CLASP1: variants seen among roughly 807,000 people sequenced by gnomAD.
The protein encoded by CLASP1 is CLIP-associating protein 1.
CLASP1 carries 38 observed loss-of-function variants against 192.3 expected under a neutral mutation model. That is an observed-to-expected ratio of 0.20 (90% CI 0.15 to 0.26). CLASP1 has a LOEUF of 0.26. Ranked by LOEUF, CLASP1 falls within the 10% of genes least tolerant of loss-of-function variation. The pLI is 1.00. For synonymous variants in CLASP1, 691 were observed against 712.8 expected (o/e 0.97, Z 0.49); for missense variants, 1,433 against 1,932.5 (o/e 0.74, Z 4.85).
chr2:121,419,682 A>G (rs1461153767), intron 22 of CLASP1, among the ~76,000 whole-genome samples: 2 of 152,130 alleles, frequency 1.3e-5, no homozygotes, highest in African/African-American at 4.8e-5. Context: ...AGCTTAGAAA[A>G]GACCAGGATA....
intron 37 of CLASP1, among the ~76,000 whole-genome samples, chr2:121,354,552 C>CTGG (rs2065059825): frequency 6.6e-6 from 1 of 152,194 alleles, no homozygotes; most frequent in Admixed American, 6.5e-5. Context: ...CTTATCTAAT[C>CTGG]TGGCCTAGCA....
At chr2:121,517,723 T>G (rs556135127) in intron 6 of CLASP1, among the ~76,000 whole-genome samples, 2 of 151,696 alleles carry the variant, frequency 1.3e-5, no homozygotes, top group African/African-American at 2.4e-5. Flanking sequence ...GCTGGGCCAG[T>G]TGGTACTCAG....
chr2:121,621,812 CAATTTCTGCAAACT>C (rs1437321393), intron 1 of CLASP1, among the ~76,000 whole-genome samples: 1 of 152,048 alleles, frequency 6.6e-6, no homozygotes, highest in African/African-American at 2.4e-5. Context: ...ATCAGCTTGT[CAATTTCTGCAAACT>C]AGGCAACTGG....
At chr2:121,411,517 A>T (rs148761689) in intron 23 of CLASP1, among the ~76,000 whole-genome samples, 1,730 of 152,282 alleles carry the variant, frequency 0.011, 48 homozygotes, top group Admixed American at 0.064. Flanking sequence ...AAAATTACTT[A>T]AAAATCAATT....
chr2:121,530,317 C>T (rs757219469), exon 3 of CLASP1: 10 of 1,550,508 alleles, frequency 6.4e-6, no homozygotes, highest in South Asian at 1.2e-5. Flanking sequence ...CCATGCCCAG[C>T]AGAACCACCT....
At position 121,510,400 on chromosome 2, in the gene CLASP1, G is replaced by T. The variant is rs2094094173; in HGVS notation, c.644+5265C>A. Among the ~76,000 whole-genome samples, 3 of 152,144 alleles carry T rather than the reference G, an allele frequency of 2.0e-5. No homozygotes were observed. In the South Asian group the frequency reaches 6.2e-4, roughly 31 times the overall value. ...TGTACAAATAAAAAGGATTACAGGG[G>T]AATTCTATGAACAATTATATGCCAA... On this transcript the variant is annotated intron_variant, in intron 7 of 39. Transcript: ENST00000263710.
intron 19 of CLASP1, among the ~76,000 whole-genome samples, chr2:121,434,259 G>A (rs765534547): frequency 6.6e-6 from 1 of 152,086 alleles, no homozygotes; most frequent in Admixed American, 6.6e-5. Flanking sequence ...TTTCAAAAAA[G>A]TATTATTTTT....
At chr2:121,561,668 A>C (rs2059100363) in intron 2 of CLASP1, among the ~76,000 whole-genome samples, 1 of 152,254 alleles carries the variant, frequency 6.6e-6, no homozygotes, top group Non-Finnish European at 1.5e-5. Context: ...ACCACATTCA[A>C]AACTGTCCTG....
chr2:121,429,711 G>C lies in CLASP1; in HGVS notation c.2017+362C>G, dbSNP rs1411144175. Among the ~76,000 whole-genome samples the C allele has an allele frequency of 3.3e-5, 5 of 152,168 alleles. No individual in the cohort carries two copies. The East Asian group carries it at 9.6e-4, about 29-fold the overall frequency. On this transcript the variant is annotated intron_variant, in intron 20 of 39. Transcript: ENST00000263710. ...CACTGGAAAGAACATAGCATTAATA[G>C]TTTTCTGCCCACGTACTGTTCTAAA... is the stretch of plus-strand genomic sequence containing the variant.
intron 7 of CLASP1, among the ~76,000 whole-genome samples, chr2:121,511,889 A>G (rs548331866): frequency 6.6e-6 from 1 of 152,332 alleles, no homozygotes; most frequent in African/African-American, 2.4e-5. Flanking sequence ...TCTCAGAGCA[A>G]TTTATCATCT....
In CLASP1 at chr2:121,601,690, A is replaced by C. The variant is rs1197161494; in HGVS notation, c.195+4011T>G. Among the ~76,000 whole-genome samples the C allele has an allele frequency of 2.0e-5, 3 of 152,206 alleles. No homozygotes were observed. The East Asian group carries it at 5.8e-4, about 29-fold the overall frequency. On this transcript the variant is annotated intron_variant, in intron 2 of 39. Transcript: ENST00000263710. The stretch of plus-strand genomic sequence containing the variant: ...CAAGAGAAAGAAATAAAAAGCATCC[A>C]AATTGGAAAGAGTAGGTAAAATTGT...
intron 7 of CLASP1, among the ~76,000 whole-genome samples, chr2:121,509,646 T>G (rs968168416): frequency 3.9e-5 from 6 of 152,204 alleles, no homozygotes; most frequent in African/African-American, 1.4e-4. Flanking sequence ...GAGATCATCC[T>G]GGCCAATGTG....
rs377740893 is a variant in CLASP1, at chr2:121,348,716, C to T, written c.4209G>A (p.Val1403=). 9.8e-5 allele frequency: 157 copies of T among 1,596,092 alleles called. No individual in the cohort carries two copies. In the African/African-American group the frequency reaches 1.8e-3, roughly 19 times the overall value. Residue 1403 remains valine, a splice_region_variant and synonymous_variant, in exon 38 of 40, where the codon GTG becomes GTA. Transcript: ENST00000263710. ...ACGCAGCCTCCTCAGCCGCTCTCAC[C>T]ACCTGAAACACCCAGTTCCCCCAAA...
At chr2:121,473,703 C>T (rs1183700348) in intron 8 of CLASP1, among the ~76,000 whole-genome samples, 1 of 152,104 alleles carries the variant, frequency 6.6e-6, no homozygotes, top group Non-Finnish European at 1.5e-5. Context: ...TAAACCCAGA[C>T]AAGAGCAGCC....
intron 37 of CLASP1, among the ~76,000 whole-genome samples, chr2:121,358,904 C>T (rs1001069344): frequency 6.6e-6 from 1 of 152,232 alleles, no homozygotes; most frequent in African/African-American, 2.4e-5. Context: ...ATGAATGATG[C>T]TAATATTTTC....
chr2:121,566,004 C>A (rs1175375658), intron 2 of CLASP1, among the ~76,000 whole-genome samples: 1 of 152,146 alleles, frequency 6.6e-6, no homozygotes, highest in Admixed American at 6.5e-5. Flanking sequence ...GAAACAAGCA[C>A]ACAGCAGGAG....
chr2:121,530,933 A>G (rs757475581), intron 2 of CLASP1: 9 of 700,310 alleles, frequency 1.3e-5, no homozygotes, highest in Admixed American at 6.0e-5. Context: ...TAGTGAGGGC[A>G]GTACTGCTAA....
intron 2 of CLASP1, among the ~76,000 whole-genome samples, chr2:121,554,423 C>T (rs1340069472): frequency 7.9e-6 from 1 of 126,672 alleles, no homozygotes; most frequent in Non-Finnish European, 1.6e-5. Flanking sequence ...CCAGCCTGGG[C>T]AACATAGGAA....
chr2:121,519,742 G>T (rs2094413805), intron 6 of CLASP1, among the ~76,000 whole-genome samples: 1 of 152,156 alleles, frequency 6.6e-6, no homozygotes, highest in Non-Finnish European at 1.5e-5. Flanking sequence ...GAAAGTTACA[G>T]GGTCAGATAG....
Sources: allele counts gnomAD v4.1 joint callset (sites outside exome capture counted in the v4.1 genomes callset), GRCh38; gene constraint gnomAD v4.1.1; transcripts MANE v1.5; gene names NCBI Gene and HGNC (gene_info 2026-07-23, HGNC 2026-07-21).